Variants in RARA observed in about 807,000 individuals in gnomAD.
RARA encodes PML-DDX5-RARA fusion.
RARA carries 5 observed loss-of-function variants against 42.8 expected under a neutral mutation model. That is an observed-to-expected ratio of 0.12 (90% CI 0.06 to 0.25). The LOEUF (loss-of-function observed/expected upper bound fraction) is 0.25, where lower values mean the gene tolerates loss of function less well. Among genes scored for constraint, RARA ranks in the 10% least tolerant of loss-of-function variants. RARA has a pLI of 1.00. For missense variants in RARA, 402 were observed against 628.7 expected (o/e 0.64, Z 3.86); for synonymous variants, 256 against 259.5 (o/e 0.99, Z 0.13).
At chr17:40,348,487 A>T (rs752253542) in intron 3 of RARA, 23 bp downstream of exon 3, 1 of 1,607,586 alleles carries the variant, frequency 6.2e-7, no homozygotes, top group Non-Finnish European at 8.5e-7. Flanking sequence ...GGTCATTGGG[A>T]AGGACAGCTT....
At chr17:40,317,868 A>G (rs368846203) in intron 1 of RARA, among the ~76,000 whole-genome samples, 6 of 151,988 alleles carry the variant, frequency 3.9e-5, no homozygotes, top group Admixed American at 3.9e-4. Flanking sequence ...TCACTTCCAT[A>G]TTACGCCGCC....
chr17:40,341,508 G>A, intron 2 of RARA: 1 of 1,485,514 alleles, frequency 6.7e-7, no homozygotes. Context: ...TACGCCTCCT[G>A]CCGCCGCTCT....
At position 40,326,999 on chromosome 17, in the gene RARA, G is replaced by A. The variant is rs2033565303; in HGVS notation, c.-362-3858G>A. On this transcript the variant is annotated intron_variant, in intron 1 of 8. Coordinates refer to ENST00000254066, the MANE Select transcript of RARA (RefSeq NM_000964.4). The surrounding 1 kb of genome is among the most constrained non-coding windows in gnomAD (Gnocchi z 5.2). ...TGCGGCTCAAGGCCCTCCCCAGGGA[G>A]CTGAGTAAATTTGCACTGAAATTTG... 6.6e-6 allele frequency among the ~76,000 whole-genome samples: 1 copy of A among 152,198 alleles called. No homozygotes were observed. The highest frequency in any genetic ancestry group is 6.5e-5 in the Admixed American group (1 of 15,282).
chr17:40,328,129 C>T (rs1043708197), intron 1 of RARA, among the ~76,000 whole-genome samples: 2 of 152,068 alleles, frequency 1.3e-5, no homozygotes, highest in African/African-American at 4.8e-5. Context: ...CTCTCTCCCT[C>T]AGTTCCACAC....
Position 40,356,125 on chromosome 17 carries a change from G to T in RARA, c.1288G>T (p.Gly430Trp), listed in dbSNP as rs759435121. 8.7e-6 allele frequency: 10 copies of T among 1,149,320 alleles called. No homozygotes were observed. The highest frequency in any genetic ancestry group is 5.1e-5 in the East Asian group (2 of 39,158). The allele number at this position is 1,149,320 out of a possible 1,614,324, so 71.2% of individuals were successfully genotyped here. Reference protein sequence around the residue: ...LDTLSGQPGGGGRDGGGLAPP... With the variant: ...LDTLSGQPGGWGRDGGGLAPP... ...CACTCTGAGCGGACAGCCGGGGGGTGGGGGGCGGGACGGGGGTGGCCTGGC... is the reference window on the plus strand; with the variant it reads ...CACTCTGAGCGGACAGCCGGGGGGTTGGGGGCGGGACGGGGGTGGCCTGGC... The change falls in exon 9 of 9, where the codon GGG (glycine) becomes TGG (tryptophan). Residue 430 changes from glycine to tryptophan, a missense_variant. By Grantham distance (184) the Gly-to-Trp change is radical. Transcript: ENST00000254066.
At chr17:40,342,321 C>T in intron 2 of RARA, 5 of 1,070,914 alleles carry the variant, frequency 4.7e-6, no homozygotes, top group Non-Finnish European at 5.7e-6. Flanking sequence ...TCGTTGACCC[C>T]CAGCCCCGCG....
chr17:40,334,961 C>T (rs559597863), intron 2 of RARA, among the ~76,000 whole-genome samples: 9 of 152,260 alleles, frequency 5.9e-5, no homozygotes, highest in Non-Finnish European at 1.3e-4. Flanking sequence ...CGATTCTCCC[C>T]GCCCCCTAAA....
At chr17:40,347,539 G>A (rs572773095) in intron 2 of RARA, among the ~76,000 whole-genome samples, 1 of 152,274 alleles carries the variant, frequency 6.6e-6, no homozygotes, top group Admixed American at 6.5e-5. Flanking sequence ...GAAGGGGAGG[G>A]GTTAGTAACC....
At chr17:40,331,982 T>A (rs2033706636) in intron 2 of RARA, among the ~76,000 whole-genome samples, 1 of 152,114 alleles carries the variant, frequency 6.6e-6, no homozygotes, top group Admixed American at 6.5e-5. Flanking sequence ...AGGGTGAGTG[T>A]CCCAGGAGGG....
In RARA at chr17:40,351,436, C is replaced by G. The variant is rs1235319902; in HGVS notation, c.470-474C>G. Reference sequence around the variant, plus strand: ...GAGATTCTCCCCGCCAGGTCCCCCACTCTCAGGCTGGGGAGCCCTACTCCC... The same window carrying G: ...GAGATTCTCCCCGCCAGGTCCCCCAGTCTCAGGCTGGGGAGCCCTACTCCC... On this transcript the variant is annotated intron_variant, in intron 4 of 8. Transcript: ENST00000254066. This position sits in a 1 kb window ranked among gnomAD's most constrained non-coding sequence, Gnocchi z 4.1. 2.1e-6 allele frequency: 1 copy of G among 468,956 alleles called. No individual in the cohort carries two copies. The highest frequency in any genetic ancestry group is 4.4e-6 in the Non-Finnish European group (1 of 225,956). The allele number at this position is 468,956 out of a possible 1,614,324, so 29.0% of individuals were successfully genotyped here.
At chr17:40,342,672 C>A (rs780953729) in intron 2 of RARA, 12 of 1,594,058 alleles carry the variant, frequency 7.5e-6, no homozygotes, top group Non-Finnish European at 1.0e-5. Flanking sequence ...CGCAGGACTT[C>A]CCAGCTCGGA....
chr17:40,329,060 A>C (rs2143260261), intron 1 of RARA, among the ~76,000 whole-genome samples: 1 of 152,086 alleles, frequency 6.6e-6, no homozygotes, highest in Admixed American at 6.5e-5. Context: ...ATTTCTCCAC[A>C]TCCTCGCCAG....
rs1206009189 is a variant in RARA, at chr17:40,320,581, G to C, written c.-362-10276G>C. Among the ~76,000 whole-genome samples, 2 of 152,134 alleles carry C rather than the reference G, an allele frequency of 1.3e-5. No individual in the cohort carries two copies. Among genetic ancestry groups the C allele is most frequent in the African/African-American group, 4.8e-5 (2 of 41,414 alleles). On this transcript the variant is annotated intron_variant, in intron 1 of 8. Coordinates refer to ENST00000254066, the MANE Select transcript of RARA (RefSeq NM_000964.4). This position sits in a 1 kb window ranked among gnomAD's most constrained non-coding sequence, Gnocchi z 4.1. Reference sequence around the variant, plus strand: ...CTGCCCTCTGGGACCTTTTCTTCCAGGCCACTCCTTGCTCAGACTCCAGTC... The same window carrying C: ...CTGCCCTCTGGGACCTTTTCTTCCACGCCACTCCTTGCTCAGACTCCAGTC...
chr17:40,338,356 G>A (rs1363732856), intron 2 of RARA, among the ~76,000 whole-genome samples: 1 of 152,190 alleles, frequency 6.6e-6, no homozygotes, highest in Admixed American at 6.5e-5. Flanking sequence ...AGGGTTGACT[G>A]GAGGCCACTC....
Position 40,352,559 on chromosome 17 carries a change from T to C in RARA, c.807+52T>C. ...GCACTGCCCCTGTGTCCTGGGTAGA[T>C]GTCCTTCCAGCCAGACAGCCACCCT... On this transcript the variant is annotated intron_variant, in intron 6 of 8. Coordinates refer to ENST00000254066, the MANE Select transcript of RARA (RefSeq NM_000964.4). The surrounding 1 kb of genome is among the most constrained non-coding windows in gnomAD (Gnocchi z 4.9). The C allele has an allele frequency of 6.9e-7, 1 of 1,449,282 alleles. No individual in the cohort carries two copies. The highest frequency in any genetic ancestry group is 9.3e-7 in the Non-Finnish European group (1 of 1,078,558). The allele number at this position is 1,449,282 out of a possible 1,614,324, so 89.8% of individuals were successfully genotyped here. A position where few individuals can be genotyped will look rare whatever the true frequency, so the allele number is the denominator to read the frequency against.
intron 1 of RARA, among the ~76,000 whole-genome samples, chr17:40,315,552 G>A (rs2033196119): frequency 6.6e-6 from 1 of 152,074 alleles, no homozygotes; most frequent in African/African-American, 2.4e-5. Context: ...AGGGGAAGAG[G>A]AGTCAGCTGG....
chr17:40,333,954 C>T (rs912123108), intron 2 of RARA, among the ~76,000 whole-genome samples: 3 of 152,164 alleles, frequency 2.0e-5, no homozygotes, highest in Non-Finnish European at 4.4e-5. Flanking sequence ...GGATTTTTGA[C>T]GGGGGAGGAG....
rs565416803 is a variant in RARA, at chr17:40,342,196, G to A, written c.179-6120G>A. 1.7e-5 allele frequency: 18 copies of A among 1,054,304 alleles called. No individual in the cohort carries two copies. In the South Asian group the frequency reaches 8.0e-4, roughly 47 times the overall value. The allele number at this position is 1,054,304 out of a possible 1,614,324, so 65.3% of individuals were successfully genotyped here. ...CCACCAGAGACCGAGCGAGTCGCCA[G>A]CTGCCCCTGGCCTGGCGGGGGCGGA... On this transcript the variant is annotated intron_variant, in intron 2 of 8. Coordinates refer to ENST00000254066, the MANE Select transcript of RARA (RefSeq NM_000964.4).
rs1242136664 is a variant in RARA at position 40,355,190 on chromosome 17, A to T, written c.1013-73A>T. 12 of 1,490,154 alleles carry T rather than the reference A, an allele frequency of 8.1e-6. 1 individual carries two copies. The Middle Eastern group carries it at 7.3e-4, about 90-fold the overall frequency. 92.3% of individuals were successfully genotyped at this position (1,490,154 alleles called of 1,614,324 possible). On this transcript the variant is annotated intron_variant, in intron 7 of 8. Coordinates refer to ENST00000254066, the MANE Select transcript of RARA (RefSeq NM_000964.4). This position sits in a 1 kb window ranked among gnomAD's most constrained non-coding sequence, Gnocchi z 4.1. ...GCCCTCCTCCATGGCCTGGGCAGGCACGCCCCCCGGTGGCCGAGGCTGGGG... is the reference window on the plus strand; with the variant it reads ...GCCCTCCTCCATGGCCTGGGCAGGCTCGCCCCCCGGTGGCCGAGGCTGGGG...
Sources: gnomAD v4.1 joint callset for allele counts (sites outside exome capture counted in the v4.1 genomes callset) on GRCh38, gnomAD v4.1.1 for gene constraint, Gnocchi (gnomAD v3.1) non-coding constraint, MANE v1.5 for transcripts, NCBI Gene and HGNC (gene_info 2026-07-23, HGNC 2026-07-21) for gene names.